Variants in DCDC2 observed in about 807,000 individuals in gnomAD.
The protein encoded by DCDC2 is doublecortin domain-containing protein 2.
Under a neutral mutation model 50.2 loss-of-function variants are expected in DCDC2, and 40 were observed. That is an observed-to-expected ratio of 0.80 (90% CI 0.62 to 1.04). The LOEUF (loss-of-function observed/expected upper bound fraction) is 1.04. Among genes scored for constraint, DCDC2 ranks in the 50% least tolerant of loss-of-function variants. The pLI, the probability that DCDC2 is intolerant of heterozygous loss-of-function variation, is 0.00. For missense variants in DCDC2, 570 were observed against 581.9 expected (o/e 0.98, Z 0.21); for synonymous variants, 234 against 210.6 (o/e 1.11, Z -0.96).
chr6:24,251,571 C>T (rs563974630), intron 7 of DCDC2, among the ~76,000 whole-genome samples: 2 of 152,252 alleles, frequency 1.3e-5, no homozygotes, highest in African/African-American at 2.4e-5. Flanking sequence ...GTTGCAAAGT[C>T]TGCCTAAGCT....
chr6:24,180,102 T>C (rs1407202482), intron 8 of DCDC2, among the ~76,000 whole-genome samples: 2 of 152,056 alleles, frequency 1.3e-5, no homozygotes, highest in East Asian at 3.9e-4. Flanking sequence ...TCCCCATTTG[T>C]AAAATGGGAA....
rs189117853 is a variant in DCDC2 at position 24,325,908 on chromosome 6, C to T, written c.349-23864G>A. On this transcript the variant is annotated intron_variant, in intron 2 of 9. Coordinates refer to ENST00000378454, the MANE Select transcript of DCDC2 (RefSeq NM_016356.5). ...AAACTGTTTTTCAGTGTCACAACCT[C>T]TCTGTTCTTACTACCATAATATTTA... Among the ~76,000 whole-genome samples the T allele has an allele frequency of 1.4e-3, 210 of 149,308 alleles. 13 individuals are homozygous for T. The highest frequency in any genetic ancestry group is 5.2e-3 in the South Asian group (23 of 4,434).
chr6:24,342,750 T>C (rs897037735), intron 2 of DCDC2, among the ~76,000 whole-genome samples: 1 of 151,984 alleles, frequency 6.6e-6, no homozygotes, highest in Non-Finnish European at 1.5e-5. Flanking sequence ...CTTCACACAA[T>C]ATCTTAATGT....
intron 2 of DCDC2, among the ~76,000 whole-genome samples, chr6:24,346,827 T>C (rs1760266549): frequency 6.6e-6 from 1 of 151,182 alleles, no homozygotes; most frequent in Non-Finnish European, 1.5e-5. Context: ...AATGAAAGAA[T>C]TTCATCTCTG....
chr6:24,283,495 G>C (rs763471411), intron 6 of DCDC2, among the ~76,000 whole-genome samples: 1 of 151,636 alleles, frequency 6.6e-6, no homozygotes, highest in Non-Finnish European at 1.5e-5. Flanking sequence ...ATGCAAAAGA[G>C]CAATTCCTAG....
At chr6:24,224,990 T>G (rs1434833237) in intron 7 of DCDC2, among the ~76,000 whole-genome samples, 1 of 152,192 alleles carries the variant, frequency 6.6e-6, no homozygotes, top group Non-Finnish European at 1.5e-5. Flanking sequence ...AATAAATGTG[T>G]GGGTGCGTGT....
At chr6:24,305,243 T>C (rs1759450404) in intron 2 of DCDC2, among the ~76,000 whole-genome samples, 1 of 152,224 alleles carries the variant, frequency 6.6e-6, no homozygotes, top group Non-Finnish European at 1.5e-5. Flanking sequence ...CCATCTGTTT[T>C]AAATAATAAT....
At chr6:24,264,728 C>A (rs1400386874) in intron 7 of DCDC2, among the ~76,000 whole-genome samples, 1 of 151,060 alleles carries the variant, frequency 6.6e-6, no homozygotes, top group Non-Finnish European at 1.5e-5. Context: ...CCAAAACAAC[C>A]AGAAAACAAC....
chr6:24,250,789 C>CT (rs1762779841), intron 7 of DCDC2, among the ~76,000 whole-genome samples: 1 of 151,958 alleles, frequency 6.6e-6, no homozygotes, highest in Non-Finnish European at 1.5e-5. Flanking sequence ...TAAAGCACTC[C>CT]TACACCAGGC....
intron 8 of DCDC2, among the ~76,000 whole-genome samples, chr6:24,191,315 G>A (rs886865254): frequency 4.6e-5 from 7 of 152,156 alleles, no homozygotes; most frequent in Non-Finnish European, 5.9e-5. Flanking sequence ...AGTCAATGAT[G>A]AGACCAAGTC....
intron 7 of DCDC2, among the ~76,000 whole-genome samples, chr6:24,277,515 T>G (rs1763387216): frequency 6.6e-6 from 1 of 152,254 alleles, no homozygotes; most frequent in Admixed American, 6.5e-5. Context: ...ATGCAATTTT[T>G]TATTTTTATT....
At chr6:24,301,313 G>T (rs1459843175) in intron 4 of DCDC2, among the ~76,000 whole-genome samples, 2 of 142,844 alleles carry the variant, frequency 1.4e-5, no homozygotes, top group Non-Finnish European at 3.0e-5. Context: ...GGAGCTTGCA[G>T]TGAGCTGAGA....
intron 7 of DCDC2, among the ~76,000 whole-genome samples, chr6:24,263,819 C>G (rs1480525752): frequency 6.6e-6 from 1 of 152,118 alleles, no homozygotes; most frequent in Non-Finnish European, 1.5e-5. Context: ...AAAGTTTACT[C>G]AAAGACTAAT....
At chr6:24,353,162 CA>C (rs1157088080) in intron 2 of DCDC2, 3 of 379,058 alleles carry the variant, frequency 7.9e-6, no homozygotes, top group African/African-American at 6.5e-5. Flanking sequence ...TTGAAAGCCT[CA>C]GGGGCAGTTA....
At chr6:24,178,288 T>C (rs1290581857) in intron 9 of DCDC2, 42 bp downstream of exon 9, 2 of 1,574,852 alleles carry the variant, frequency 1.3e-6, no homozygotes, top group South Asian at 1.2e-5. Flanking sequence ...CACACACACA[T>C]ATTCATGCAT....
At chr6:24,323,721 C>G (rs1387471049) in intron 2 of DCDC2, among the ~76,000 whole-genome samples, 3 of 152,066 alleles carry the variant, frequency 2.0e-5, no homozygotes, top group African/African-American at 7.3e-5. Flanking sequence ...GTGATAAAAA[C>G]TACCACCTGA....
Position 24,178,628 on chromosome 6 carries a change from G to T in DCDC2, c.1028C>A (p.Pro343Gln). 1 of 1,610,954 alleles carries T rather than the reference G, an allele frequency of 6.2e-7. No individual in the cohort carries two copies. The highest frequency in any genetic ancestry group is 8.5e-7 in the Non-Finnish European group (1 of 1,179,178). ...TQVEVPVDQR[P>Q]AEIVDEEEDG... ...TTCTTCCTCGTCTACTATTTCTGCT[G>T]GCCTCTGATGGATCAAAAGGAATAA... The change falls in exon 9 of 10, where the codon CCA becomes CAA. Residue 343 changes from proline (P) to glutamine (Q), a missense_variant. Pro to Gln is a moderately conservative substitution (Grantham distance 76). Coordinates refer to ENST00000378454, the MANE Select transcript of DCDC2 (RefSeq NM_016356.5).
chr6:24,321,218 T>A (rs575745270), intron 2 of DCDC2, among the ~76,000 whole-genome samples: 1 of 120,782 alleles, frequency 8.3e-6, no homozygotes, highest in South Asian at 2.9e-4. Context: ...AAATAGAAAA[T>A]CACCTTTTGG....
chr6:24,220,404 TC>T (rs776280014), intron 7 of DCDC2, among the ~76,000 whole-genome samples: 14 of 152,006 alleles, frequency 9.2e-5, no homozygotes, highest in Non-Finnish European at 2.1e-4. Flanking sequence ...AAAAAACAAA[TC>T]CATGACAGGT....
Sources: allele counts gnomAD v4.1 joint callset (sites outside exome capture counted in the v4.1 genomes callset), GRCh38; gene constraint gnomAD v4.1.1; transcripts MANE v1.5; gene names NCBI Gene and HGNC (gene_info 2026-07-23, HGNC 2026-07-21).